The following NBAS variants were observed in gnomAD, a reference collection of about 807,000 sequenced individuals.
The protein encoded by NBAS is NBAS subunit of NRZ tethering complex, also known as NAG/BC035112 fusion.
In NBAS, 219 loss-of-function variants were observed where a neutral mutation model predicts 302.5. That is an observed-to-expected ratio of 0.72 (90% confidence interval 0.65 to 0.81). NBAS has a LOEUF of 0.81. Ranked by LOEUF, NBAS falls within the 30% of genes least tolerant of loss-of-function variation. NBAS has a pLI of 0.00. For synonymous variants in NBAS, 1,118 were observed against 1,021.6 expected, an observed-to-expected ratio of 1.09 and a Z score of -1.80; for missense variants, 2,932 against 2,841.6, an observed-to-expected ratio of 1.03 and a Z score of -0.72.
intron 7 of NBAS, among the ~76,000 whole-genome samples, chr2:15,537,989 G>T (rs1006943277): frequency 6.6e-6 from 1 of 152,008 alleles, no homozygotes; most frequent in Non-Finnish European, 1.5e-5. Flanking sequence ...TCCAAATTGA[G>T]ATATGTCATA....
intron 26 of NBAS, among the ~76,000 whole-genome samples, chr2:15,400,880 T>C (rs1676117978): frequency 6.6e-6 from 1 of 152,214 alleles, no homozygotes; most frequent in Non-Finnish European, 1.5e-5. Flanking sequence ...GTAGTTGTCT[T>C]ACTGCTTTCT....
At chr2:14,967,839 G>C in the NBAS span, among the ~76,000 whole-genome samples, 1 of 152,182 alleles carries the variant, frequency 6.6e-6, no homozygotes, top group Admixed American at 6.5e-5. Flanking sequence ...CAGTGAAAAA[G>C]AGTAACTCCA....
chr2:14,825,701 A>G, the NBAS span, among the ~76,000 whole-genome samples: 2 of 152,184 alleles, frequency 1.3e-5, no homozygotes, highest in Non-Finnish European at 2.9e-5. Flanking sequence ...GCAAATACCT[A>G]AGCAATTCAA....
At chr2:15,414,935 ACT>A (rs1483737457) in intron 25 of NBAS, among the ~76,000 whole-genome samples, 2 of 152,102 alleles carry the variant, frequency 1.3e-5, no homozygotes, top group African/African-American at 4.8e-5. Flanking sequence ...AAAGAGCGAG[ACT>A]CTGTCTCAAA....
At chr2:14,828,401 C>T in the NBAS span, among the ~76,000 whole-genome samples, 1 of 151,944 alleles carries the variant, frequency 6.6e-6, no homozygotes, top group Admixed American at 6.6e-5. Context: ...ATGTTCCAGG[C>T]AGAGGAAACA....
chr2:15,254,732 G>A (rs1029809943), intron 44 of NBAS, among the ~76,000 whole-genome samples: 2 of 152,076 alleles, frequency 1.3e-5, no homozygotes, highest in Non-Finnish European at 2.9e-5. Flanking sequence ...AGTGTATTAT[G>A]TCATTCTTAT....
At position 15,440,286 on chromosome 2, in the gene NBAS, G is replaced by A. The variant is rs542805473; in HGVS notation, c.2340-12492C>T. ...GTAGGGGCAGACTGACACTTCACACGGCCCGGTACTCCGCTGAGACAAAAC... is the reference window on the plus strand; with the variant it reads ...GTAGGGGCAGACTGACACTTCACACAGCCCGGTACTCCGCTGAGACAAAAC... On this transcript the variant is annotated intron_variant, in intron 21 of 51. Coordinates refer to ENST00000281513, the MANE Select transcript of NBAS (RefSeq NM_015909.4). Among the ~76,000 whole-genome samples the A allele has an allele frequency of 1.4e-4, 21 of 152,242 alleles. No homozygotes were observed. The South Asian group carries it at 2.7e-3, about 20-fold the overall frequency.
intron 41 of NBAS, among the ~76,000 whole-genome samples, chr2:15,288,381 A>G (rs1670154130): frequency 6.6e-6 from 1 of 152,132 alleles, no homozygotes; most frequent in Admixed American, 6.5e-5. Flanking sequence ...TGTGAACTGC[A>G]AGTAGGAGGA....
At chr2:14,803,123 C>T in the NBAS span, among the ~76,000 whole-genome samples, 2 of 152,222 alleles carry the variant, frequency 1.3e-5, no homozygotes, top group African/African-American at 4.8e-5. Flanking sequence ...ACCATAACAG[C>T]ATTTAGTCTA....
At chr2:15,517,214 C>T (rs1408669484) in intron 9 of NBAS, among the ~76,000 whole-genome samples, 1 of 151,850 alleles carries the variant, frequency 6.6e-6, no homozygotes, top group African/African-American at 2.4e-5. Context: ...TTGTGTGTCG[C>T]AGGGGTTTGT....
chr2:15,316,419 G>A (rs1671513237), intron 38 of NBAS, among the ~76,000 whole-genome samples: 1 of 152,192 alleles, frequency 6.6e-6, no homozygotes. Flanking sequence ...AGGGCGGGGT[G>A]TTGCCTCACA....
Position 15,424,242 on chromosome 2 carries a change from C to A in NBAS, c.2577+73G>T, listed in dbSNP as rs571321146. 81 of 1,549,770 alleles carry A rather than the reference C, an allele frequency of 5.2e-5. No individual in the cohort carries two copies. The Middle Eastern group carries it at 7.0e-4, about 13-fold the overall frequency. ...TCCTGCACTGCTGTCAGCCCCGACTCCGTGTACTGAATCCTAAGGATCCAA... is the reference window on the plus strand; with the variant it reads ...TCCTGCACTGCTGTCAGCCCCGACTACGTGTACTGAATCCTAAGGATCCAA... On this transcript the variant is annotated intron_variant, in intron 23 of 51. Transcript: ENST00000281513.
At chr2:14,786,803 T>C in the NBAS span, among the ~76,000 whole-genome samples, 3 of 152,140 alleles carry the variant, frequency 2.0e-5, no homozygotes, top group Admixed American at 2.0e-4. Flanking sequence ...ATTCTGTTGA[T>C]TTGGGGAGGA....
At chr2:15,492,889 T>G (rs561472332) in intron 11 of NBAS, among the ~76,000 whole-genome samples, 25 of 152,342 alleles carry the variant, frequency 1.6e-4, no homozygotes, top group Non-Finnish European at 3.1e-4. Flanking sequence ...CTAAATTCTA[T>G]GAACAGAGTC....
At chr2:15,382,701 A>G (rs1338746135) in intron 29 of NBAS, among the ~76,000 whole-genome samples, 1 of 152,194 alleles carries the variant, frequency 6.6e-6, no homozygotes, top group Non-Finnish European at 1.5e-5. Context: ...GGCATCTTCT[A>G]TAGCTTTCTA....
At chr2:15,276,111 G>A (rs953319055) in intron 43 of NBAS, among the ~76,000 whole-genome samples, 13 of 152,066 alleles carry the variant, frequency 8.5e-5, no homozygotes, top group Non-Finnish European at 1.3e-4. Flanking sequence ...CGAATCCGCC[G>A]CAGCACCTAT....
At chr2:14,907,549 A>C in the NBAS span, 1 of 152,290 alleles carries the variant, frequency 6.6e-6, no homozygotes, top group African/African-American at 2.4e-5. Flanking sequence ...GCAGATGTTC[A>C]ACGGCAAGCA....
At chr2:15,404,629 C>T (rs888672520) in intron 25 of NBAS, among the ~76,000 whole-genome samples, 4 of 151,876 alleles carry the variant, frequency 2.6e-5, no homozygotes, top group African/African-American at 4.8e-5. Context: ...TCTCCTGCCT[C>T]GGCGTCCTGA....
At chr2:15,196,375 C>T (rs4668437) in intron 48 of NBAS, among the ~76,000 whole-genome samples, 42,263 of 151,968 alleles carry the variant, frequency 0.28, 7,143 homozygotes, top group East Asian at 0.64. Flanking sequence ...TGTCAATATC[C>T]CGGTTGGATA....
Sources: allele counts gnomAD v4.1 joint callset (sites outside exome capture counted in the v4.1 genomes callset), GRCh38; gene constraint gnomAD v4.1.1; transcripts MANE v1.5; gene names NCBI Gene and HGNC (gene_info 2026-07-23, HGNC 2026-07-21).